The following VPS54 variants were observed in gnomAD, a reference collection of about 807,000 sequenced individuals.
VPS54 encodes the protein vacuolar protein sorting-associated protein 54.
VPS54 carries 45 observed loss-of-function variants against 121.5 expected under a neutral mutation model. The ratio of observed to expected loss-of-function variants is 0.37; its 90% CI spans 0.29 to 0.47. The LOEUF (loss-of-function observed/expected upper bound fraction) is 0.47. Ranked by LOEUF, VPS54 falls within the 20% of genes least tolerant of loss-of-function variation. The pLI is 0.99. For missense variants in VPS54, 1,090 were observed against 1,131.4 expected (o/e 0.96, Z 0.52); for synonymous variants, 371 against 385.8 (o/e 0.96, Z 0.45).
At chr2:63,899,036 A>G (rs1672559015) in intron 21 of VPS54, among the ~76,000 whole-genome samples, 1 of 152,210 alleles carries the variant, frequency 6.6e-6, no homozygotes, top group Non-Finnish European at 1.5e-5. Context: ...TGCTGACATA[A>G]CAATAAAGCA....
At chr2:63,923,363 C>G (rs1030445081) in intron 12 of VPS54, among the ~76,000 whole-genome samples, 3 of 151,824 alleles carry the variant, frequency 2.0e-5, no homozygotes, top group African/African-American at 4.8e-5. Flanking sequence ...CTAACTTTCA[C>G]GTCAATAGGG....
intron 1 of VPS54, among the ~76,000 whole-genome samples, chr2:64,011,363 C>A (rs781333619): frequency 8.6e-5 from 13 of 151,760 alleles, no homozygotes; most frequent in Non-Finnish European, 1.9e-4. Flanking sequence ...GACAGGATAT[C>A]CAGACCATCA....
intron 16 of VPS54, 124 bp from the exon 17 acceptor site, chr2:63,914,411 CTA>C (rs1673287269): frequency 1.5e-6 from 1 of 681,650 alleles, no homozygotes; most frequent in East Asian, 2.6e-5. Flanking sequence ...ACCTTGGTAA[CTA>C]TGTTAAAGTA....
At chr2:64,000,843 G>A (rs1377894112) in intron 1 of VPS54, among the ~76,000 whole-genome samples, 1 of 152,172 alleles carries the variant, frequency 6.6e-6, no homozygotes. Flanking sequence ...GCACAGCACT[G>A]AGTCTCACCC....
intron 12 of VPS54, among the ~76,000 whole-genome samples, chr2:63,933,318 T>C (rs1674300533): frequency 6.6e-6 from 1 of 152,024 alleles, no homozygotes. Flanking sequence ...GAAAGAAAAA[T>C]GACCAAAGCA....
intron 11 of VPS54, among the ~76,000 whole-genome samples, chr2:63,935,731 AG>A (rs370086237): frequency 2.6e-5 from 4 of 152,280 alleles, no homozygotes; most frequent in African/African-American, 9.6e-5. Context: ...AAGAAAATCC[AG>A]ATTTAAACTA....
chr2:64,013,546 G>GATATATATATATATGATAT (rs201322415), intron 1 of VPS54, among the ~76,000 whole-genome samples: 2 of 145,480 alleles, frequency 1.4e-5, no homozygotes, highest in African/African-American at 5.1e-5. Context: ...AGTAAATGCT[G>GATATATATATATATGATAT]ATATATATAT....
At chr2:64,013,594 C>A (rs1678533111) in intron 1 of VPS54, among the ~76,000 whole-genome samples, 1 of 141,980 alleles carries the variant, frequency 7.0e-6, no homozygotes, top group African/African-American at 2.6e-5. Flanking sequence ...AAATATATAT[C>A]AATATATATC....
intron 1 of VPS54, among the ~76,000 whole-genome samples, chr2:63,991,338 A>C (rs1677307029): frequency 1.3e-5 from 2 of 152,218 alleles, no homozygotes; most frequent in Non-Finnish European, 2.9e-5. Flanking sequence ...GAAAATGTGA[A>C]CCATGAGTGT....
Position 63,924,220 on chromosome 2 carries a change from T to C in VPS54, c.1740-2885A>G, listed in dbSNP as rs147908164. ...TATCTTTCAGTATCTGTTCTCTCTT[T>C]TGCCACAATGACAGCTCTAGCTGGG... is the stretch of plus-strand genomic sequence containing the variant. On this transcript the variant is annotated intron_variant, in intron 12 of 22. Transcript: ENST00000272322. Among the ~76,000 whole-genome samples the C allele has an allele frequency of 4.3e-4, 65 of 152,306 alleles. No individual in the cohort carries two copies. In the East Asian group the frequency reaches 0.011, roughly 25 times the overall value.
intron 16 of VPS54, among the ~76,000 whole-genome samples, chr2:63,916,629 T>C (rs1002114498): frequency 6.6e-6 from 1 of 152,116 alleles, no homozygotes; most frequent in Non-Finnish European, 1.5e-5. Context: ...CTACAATTAC[T>C]CTTGGGTTGT....
chr2:63,922,083 AC>A (rs1673672744), intron 12 of VPS54, among the ~76,000 whole-genome samples: 1 of 152,262 alleles, frequency 6.6e-6, no homozygotes, highest in Non-Finnish European at 1.5e-5. Context: ...CTAAGCATTT[AC>A]CATGCTTAAG....
At chr2:63,946,448 T>C (rs558595288) in intron 9 of VPS54, among the ~76,000 whole-genome samples, 2 of 152,250 alleles carry the variant, frequency 1.3e-5, no homozygotes, top group South Asian at 2.1e-4. Flanking sequence ...GGCATTACTA[T>C]ATATTGCCAA....
chr2:63,919,576 A>G (rs774017309), intron 15 of VPS54, among the ~76,000 whole-genome samples: 2 of 152,232 alleles, frequency 1.3e-5, no homozygotes, highest in Non-Finnish European at 1.5e-5. Context: ...AACCCTTCTA[A>G]GCCTCAAGCC....
intron 15 of VPS54, among the ~76,000 whole-genome samples, chr2:63,917,639 T>A (rs1021171319): frequency 4.6e-5 from 7 of 152,048 alleles, no homozygotes; most frequent in Non-Finnish European, 1.0e-4. Context: ...TTAGGATTTG[T>A]AAATATATTT....
intron 4 of VPS54, 84 bp from the exon 5 acceptor site, chr2:63,969,075 T>A: frequency 8.8e-7 from 1 of 1,132,880 alleles, no homozygotes. Flanking sequence ...GATTCAGTAT[T>A]GTACTGGGTC....
At chr2:64,005,086 C>CTTTTTTT (rs1559053926) in intron 1 of VPS54, among the ~76,000 whole-genome samples, 3 of 76,598 alleles carry the variant, frequency 3.9e-5, no homozygotes, top group African/African-American at 1.7e-4. Flanking sequence ...TCTACTATTG[C>CTTTTTTT]TTCTTTTTTT....
At chr2:63,993,102 T>C (rs1232568004) in intron 1 of VPS54, among the ~76,000 whole-genome samples, 1 of 152,184 alleles carries the variant, frequency 6.6e-6, no homozygotes, top group African/African-American at 2.4e-5. Context: ...GAGGCTGGAT[T>C]ACACATCGCT....
Position 63,969,038 on chromosome 2 carries a change from T to C in VPS54, c.458-47A>G, listed in dbSNP as rs916579091. On this transcript the variant is annotated intron_variant, in intron 4 of 22. Transcript: ENST00000272322. ...TATTATTTTTAAAACTTGTTTTCATTTTAACTCCGTAAAATACATTTTGAC... is the reference window on the plus strand; with the variant it reads ...TATTATTTTTAAAACTTGTTTTCATCTTAACTCCGTAAAATACATTTTGAC... 4.8e-6 allele frequency: 7 copies of C among 1,457,334 alleles called. No homozygotes were observed. The Admixed American group carries it at 9.5e-5, about 20-fold the overall frequency. The allele number at this position is 1,457,334 out of a possible 1,614,324, so 90.3% of individuals were successfully genotyped here.
Sources: gnomAD v4.1 joint callset for allele counts (sites outside exome capture counted in the v4.1 genomes callset) on GRCh38, gnomAD v4.1.1 for gene constraint, MANE v1.5 for transcripts, NCBI Gene and HGNC (gene_info 2026-07-23, HGNC 2026-07-21) for gene names.